Variants in CRY1 observed in about 807,000 individuals in gnomAD.
CRY1 encodes cryptochrome-1.
A neutral mutation model predicts 76.0 loss-of-function variants in CRY1; 45 were observed. The ratio of observed to expected loss-of-function variants is 0.59; its 90% CI spans 0.47 to 0.76. The LOEUF is 0.76. Ranked by LOEUF, CRY1 falls within the 30% of genes least tolerant of loss-of-function variation. The pLI is 0.00. For missense variants in CRY1, 587 were observed against 716.4 expected, an observed-to-expected ratio of 0.82 and a Z score of 2.06; for synonymous variants, 248 against 244.0, an observed-to-expected ratio of 1.02 and a Z score of -0.15.
chr12:107,087,700 G>T (rs1052258694), intron 1 of CRY1, among the ~76,000 whole-genome samples: 6 of 152,202 alleles, frequency 3.9e-5, no homozygotes, highest in Non-Finnish European at 8.8e-5. Context: ...TTGAGTTGAT[G>T]TTGAAACTAG....
At chr12:106,998,504 C>T in intron 7 of CRY1, among the ~76,000 whole-genome samples, 1 of 152,152 alleles carries the variant, frequency 6.6e-6, no homozygotes, top group South Asian at 2.1e-4. Flanking sequence ...AATATAAATT[C>T]ACTTAAAAAT....
intron 1 of CRY1, among the ~76,000 whole-genome samples, chr12:107,029,248 T>C (rs1952650385): frequency 6.6e-6 from 1 of 152,058 alleles, no homozygotes; most frequent in South Asian, 2.1e-4. Context: ...CTGAAAGAAA[T>C]CTTCCATTCT....
rs376469578 is a variant in CRY1 at position 106,999,588 on chromosome 12, C to T, written c.1100G>A (p.Arg367Gln). The change falls in exon 7 of 13, where the codon CGA (arginine) becomes CAA (glutamine). Residue 367 changes from arginine to glutamine, a missense_variant. Physicochemically the swap from Arg to Gln is conservative, Grantham distance 43. Coordinates refer to ENST00000008527, the MANE Select transcript of CRY1 (RefSeq NM_004075.5). ...TTCCCAACTAATCCACAGGTCCCCT[C>T]GTGTCAGGAAGCAAGCAACTGCATG... is the stretch of plus-strand genomic sequence containing the variant. ...ARHAVACFLT[R>Q]GDLWISWEEG... 2.5e-6 allele frequency: 4 copies of T among 1,614,030 alleles called. No homozygotes were observed. Among genetic ancestry groups the T allele is most frequent in the Non-Finnish European group, 3.4e-6 (4 of 1,179,970 alleles).
At chr12:106,995,875 C>T (rs780195171) in intron 10 of CRY1, among the ~76,000 whole-genome samples, 1 of 152,122 alleles carries the variant, frequency 6.6e-6, no homozygotes, top group Non-Finnish European at 1.5e-5. Flanking sequence ...TGGAGTTTTG[C>T]TCTTGTTATC....
At chr12:107,033,812 C>T (rs188984472) in intron 1 of CRY1, among the ~76,000 whole-genome samples, 24 of 148,384 alleles carry the variant, frequency 1.6e-4, no homozygotes, top group African/African-American at 2.7e-4. Context: ...CCTTTAAGAT[C>T]GGAAAGAAGA....
At chr12:107,029,295 T>G (rs1952650957) in intron 1 of CRY1, among the ~76,000 whole-genome samples, 1 of 152,098 alleles carries the variant, frequency 6.6e-6, no homozygotes, top group South Asian at 2.1e-4. Flanking sequence ...CACCTTCCAA[T>G]CATTGTGACA....
chr12:107,059,382 C>T (rs965000340), intron 1 of CRY1, among the ~76,000 whole-genome samples: 8 of 152,062 alleles, frequency 5.3e-5, no homozygotes, highest in Admixed American at 4.6e-4. Context: ...CTCCTGAGTA[C>T]TGAAACTAGT....
intron 1 of CRY1, among the ~76,000 whole-genome samples, chr12:107,026,940 C>A (rs182744585): frequency 5.7e-4 from 87 of 152,100 alleles, no homozygotes; most frequent in African/African-American, 2.0e-3. Flanking sequence ...TTGAAGGAAA[C>A]CTTTCCCAGT....
intron 1 of CRY1, among the ~76,000 whole-genome samples, chr12:107,024,052 A>G (rs1188371240): frequency 6.6e-6 from 1 of 152,246 alleles, no homozygotes; most frequent in East Asian, 1.9e-4. Context: ...AAAATTAAGA[A>G]GTTGAAAGAA....
chr12:107,011,888 A>G (rs1425148568), intron 2 of CRY1, among the ~76,000 whole-genome samples: 1 of 152,154 alleles, frequency 6.6e-6, no homozygotes, highest in Non-Finnish European at 1.5e-5. Context: ...TTTCATAGCT[A>G]GACAGAAAAA....
At chr12:107,053,445 T>C (rs1477492376) in intron 1 of CRY1, among the ~76,000 whole-genome samples, 3 of 152,064 alleles carry the variant, frequency 2.0e-5, no homozygotes, top group Non-Finnish European at 2.9e-5. Flanking sequence ...GCCTCCTGAG[T>C]AGCTGGGATT....
intron 1 of CRY1, among the ~76,000 whole-genome samples, chr12:107,088,635 T>A (rs1251853193): frequency 6.6e-6 from 1 of 152,186 alleles, no homozygotes; most frequent in Admixed American, 6.5e-5. Flanking sequence ...GAGAAATAAA[T>A]TCCTGTTGTT....
intron 1 of CRY1, among the ~76,000 whole-genome samples, chr12:107,061,561 T>A (rs1280082635): frequency 2.6e-5 from 4 of 151,944 alleles, no homozygotes; most frequent in African/African-American, 7.3e-5. Context: ...TTTGTCTTTT[T>A]AGTAGAGATG....
chr12:107,071,059 G>A (rs1277026097), intron 1 of CRY1, among the ~76,000 whole-genome samples: 1 of 151,900 alleles, frequency 6.6e-6, no homozygotes, highest in East Asian at 1.9e-4. Flanking sequence ...GATATTTTGG[G>A]ATATAATAAT....
chr12:107,037,653 G>A (rs1203746147), intron 1 of CRY1, among the ~76,000 whole-genome samples: 3 of 152,046 alleles, frequency 2.0e-5, no homozygotes, highest in Non-Finnish European at 2.9e-5. Flanking sequence ...GAAAGCTTTT[G>A]AGCAGAGGTT....
intron 2 of CRY1, among the ~76,000 whole-genome samples, chr12:107,005,647 C>A (rs1040734868): frequency 1.3e-5 from 2 of 152,112 alleles, no homozygotes; most frequent in Non-Finnish European, 2.9e-5. Flanking sequence ...TAGGGACCTG[C>A]CAGAGTTCAC....
At chr12:107,032,225 C>CA (rs754699419) in intron 1 of CRY1, among the ~76,000 whole-genome samples, 339 of 152,260 alleles carry the variant, frequency 2.2e-3, no homozygotes, top group Non-Finnish European at 3.9e-3. Context: ...TGAGCCACCA[C>CA]GCCCGGCCAG....
intron 1 of CRY1, among the ~76,000 whole-genome samples, chr12:107,074,066 A>G (rs373399726): frequency 2.6e-5 from 4 of 152,156 alleles, no homozygotes; most frequent in African/African-American, 9.7e-5. Context: ...CTTTTCCAAA[A>G]ACCTACATGT....
At chr12:107,024,526 G>A (rs1952587614) in intron 1 of CRY1, among the ~76,000 whole-genome samples, 1 of 151,824 alleles carries the variant, frequency 6.6e-6, no homozygotes, top group Admixed American at 6.6e-5. Flanking sequence ...ACAGGCATAT[G>A]CCATCATGCC....
Sources: allele counts gnomAD v4.1 joint callset (sites outside exome capture counted in the v4.1 genomes callset), GRCh38; gene constraint gnomAD v4.1.1; transcripts MANE v1.5; gene names NCBI Gene and HGNC (gene_info 2026-07-23, HGNC 2026-07-21).